LIMA1: variants seen among roughly 807,000 people sequenced by gnomAD.
LIMA1 encodes LIM domain and actin binding 1, also known as LIM domain and actin-binding protein 1.
LIMA1 carries 52 observed loss-of-function variants against 62.6 expected under a neutral mutation model. That is an observed-to-expected ratio of 0.83 (90% CI 0.67 to 1.05). The LOEUF (loss-of-function observed/expected upper bound fraction) is 1.05. LIMA1 is among the 50% of genes least tolerant of loss of function. LIMA1 has a pLI of 0.00. For synonymous variants in LIMA1, 302 were observed against 317.8 expected (o/e 0.95, Z 0.53); for missense variants, 780 against 902.2 (o/e 0.86, Z 1.74).
intron 1 of LIMA1, among the ~76,000 whole-genome samples, chr12:50,252,091 G>C (rs1941938112): frequency 6.6e-6 from 1 of 152,176 alleles, no homozygotes; most frequent in South Asian, 2.1e-4. Flanking sequence ...AATGTGGTTA[G>C]AGGCTATGCG....
chr12:50,269,199 C>T (rs1436837291), intron 1 of LIMA1, among the ~76,000 whole-genome samples: 1 of 152,112 alleles, frequency 6.6e-6, no homozygotes, highest in Non-Finnish European at 1.5e-5. Flanking sequence ...CATTTATTGA[C>T]CATTTACCAT....
intron 1 of LIMA1, among the ~76,000 whole-genome samples, chr12:50,257,064 TTGACTC>T (rs1942006209): frequency 6.6e-6 from 1 of 152,238 alleles, no homozygotes. Flanking sequence ...AGGGAGAACT[TTGACTC>T]TGTTTCTCCT....
At chr12:50,185,397 G>A (rs1327260136) in intron 9 of LIMA1, 1 of 456,172 alleles carries the variant, frequency 2.2e-6, no homozygotes, top group Non-Finnish European at 4.4e-6. Context: ...CACATTAGGA[G>A]GAAAGTGGAA....
intron 4 of LIMA1, among the ~76,000 whole-genome samples, chr12:50,212,117 AT>A (rs1237728620): frequency 2.0e-5 from 3 of 152,182 alleles, no homozygotes; most frequent in Non-Finnish European, 2.9e-5. Flanking sequence ...AGTCTGTAGA[AT>A]TTTTTTCTGT....
Position 50,237,533 on chromosome 12 carries a change from C to T in LIMA1, c.120-5823G>A, listed in dbSNP as rs139233045. Among the ~76,000 whole-genome samples the T allele has an allele frequency of 4.8e-3, 729 of 151,930 alleles. 6 individuals are homozygous for T. Among genetic ancestry groups the T allele is most frequent in the Middle Eastern group, 0.014 (4 of 290 alleles). On this transcript the variant is annotated intron_variant, in intron 2 of 10. Transcript: ENST00000341247. Reference sequence around the variant, plus strand: ...ATGCCTGTAGTCCCAGCAACTCGAGCGGCTGAGGCACGAGAATCCTTTGAA... The same window carrying T: ...ATGCCTGTAGTCCCAGCAACTCGAGTGGCTGAGGCACGAGAATCCTTTGAA...
chr12:50,201,552 T>G lies in LIMA1; in HGVS notation c.865-668A>C. On this transcript the variant is annotated intron_variant, in intron 6 of 10. Coordinates refer to ENST00000341247, the MANE Select transcript of LIMA1 (RefSeq NM_016357.5). ...ATAAGGATAATTGCATTTTTTTCCT[T>G]GCAAAGGACACTGGGGTGAATATTA... 3 of 982,118 alleles carry G rather than the reference T, an allele frequency of 3.1e-6. No homozygotes were observed. The African/African-American group carries it at 5.2e-5, about 17-fold the overall frequency. The allele number at this position is 982,118 out of a possible 1,614,324, so 60.8% of individuals were successfully genotyped here. A position where few individuals can be genotyped will look rare whatever the true frequency, so the allele number is the denominator to read the frequency against.
intron 1 of LIMA1, among the ~76,000 whole-genome samples, chr12:50,263,523 A>G (rs2096752687): frequency 6.6e-6 from 1 of 152,214 alleles, no homozygotes; most frequent in Admixed American, 6.5e-5. Context: ...AGTGCATCAG[A>G]CATAGTATAG....
rs572324213 is a variant in LIMA1, at chr12:50,190,535, T to TTA, written c.1140+1916_1140+1917insTA. ...GGCATGTGCCACCATGCCCGGCTAA[T>TTA]TTTTTTTTTTTTTTTTGTACTTTTA... On this transcript the variant is annotated intron_variant, in intron 9 of 10. Transcript: ENST00000341247. Among the ~76,000 whole-genome samples, 92 of 45,408 alleles carry TTA rather than the reference T, an allele frequency of 2.0e-3. No individual in the cohort carries two copies. The South Asian group carries it at 0.039, about 19-fold the overall frequency. 29.8% of individuals were successfully genotyped at this position (45,408 alleles called of 152,430 possible).
intron 4 of LIMA1, chr12:50,217,731 G>A (rs994394379): frequency 6.5e-6 from 2 of 307,452 alleles, no homozygotes; most frequent in African/African-American, 2.3e-5. Context: ...CGATCCTTGT[G>A]GGCTTCATGA....
intron 4 of LIMA1, among the ~76,000 whole-genome samples, 194 bp downstream of exon 4, chr12:50,221,827 T>C (rs575425419): frequency 6.6e-6 from 1 of 152,244 alleles, no homozygotes; most frequent in Non-Finnish European, 1.5e-5. Context: ...TGATTTAACA[T>C]GAAATTGTGT....
intron 3 of LIMA1, among the ~76,000 whole-genome samples, chr12:50,223,382 C>G (rs7132955): frequency 6.6e-6 from 1 of 151,754 alleles, no homozygotes; most frequent in Non-Finnish European, 1.5e-5. Flanking sequence ...ACTCTGGAGG[C>G]TGAGGCAGGA....
intron 3 of LIMA1, among the ~76,000 whole-genome samples, chr12:50,225,999 A>G (rs1941521585): frequency 6.6e-6 from 1 of 152,176 alleles, no homozygotes; most frequent in Non-Finnish European, 1.5e-5. Context: ...CAGTGAGGCT[A>G]AGCATGTTTT....
chr12:50,253,805 C>A (rs1043428281), intron 1 of LIMA1, among the ~76,000 whole-genome samples: 1 of 151,604 alleles, frequency 6.6e-6, no homozygotes, highest in Non-Finnish European at 1.5e-5. Flanking sequence ...GCAGGCGGAT[C>A]ACCTGAGGTC....
intron 2 of LIMA1, among the ~76,000 whole-genome samples, chr12:50,246,073 A>G (rs547525640): frequency 6.6e-6 from 1 of 152,118 alleles, no homozygotes; most frequent in East Asian, 1.9e-4. Flanking sequence ...CTCTACTAAA[A>G]ATACAAAAAT....
At chr12:50,280,222 T>C (rs940137082) in intron 1 of LIMA1, among the ~76,000 whole-genome samples, 29 of 135,476 alleles carry the variant, frequency 2.1e-4, no homozygotes, top group African/African-American at 7.7e-4. Context: ...TGGCGCGATC[T>C]CCGCTCACTG....
At chr12:50,214,886 T>C (rs1310437486) in intron 4 of LIMA1, among the ~76,000 whole-genome samples, 2 of 152,208 alleles carry the variant, frequency 1.3e-5, no homozygotes, top group Admixed American at 6.5e-5. Flanking sequence ...ATAAGACATA[T>C]TCAGAAAGCA....
At chr12:50,261,811 T>C (rs1446192034) in intron 1 of LIMA1, among the ~76,000 whole-genome samples, 1 of 152,120 alleles carries the variant, frequency 6.6e-6, no homozygotes, top group East Asian at 1.9e-4. Flanking sequence ...GGATTACAGG[T>C]GTGAGTCACT....
At chr12:50,218,054 G>C (rs1315304483) in intron 4 of LIMA1, 2 of 152,282 alleles carry the variant, frequency 1.3e-5, no homozygotes, top group Non-Finnish European at 2.9e-5. Context: ...ACAGGCGCCC[G>C]CCACCACGCC....
In LIMA1 at chr12:50,178,002, A is replaced by G; in HGVS notation, c.1342T>C (p.Ser448Pro). ...AAGCCTTCATCATAGTTGCCCTTAG[A>G]TTTAAAGAGTTGATTGAAGTGAGGC... ...CKPHFNQLFK[S>P]KGNYDEGFGH... Residue 448 changes from serine (S) to proline (P), a missense_variant, in exon 11 of 11, where the codon TCT (serine) becomes CCT (proline). Ser to Pro is a moderately conservative substitution (Grantham distance 74, BLOSUM62 -1). Transcript: ENST00000341247. 6.3e-7 allele frequency: 1 copy of G among 1,594,830 alleles called. No homozygotes were observed. Among genetic ancestry groups the G allele is most frequent in the Non-Finnish European group, 8.5e-7 (1 of 1,173,824 alleles).
Sources: gnomAD v4.1 joint callset for allele counts (sites outside exome capture counted in the v4.1 genomes callset) on GRCh38, gnomAD v4.1.1 for gene constraint, MANE v1.5 for transcripts, NCBI Gene and HGNC (gene_info 2026-07-23, HGNC 2026-07-21) for gene names.